SAMD10: variants seen among roughly 807,000 people sequenced by gnomAD.
The protein encoded by SAMD10 is sterile alpha motif domain-containing protein 10.
Under a neutral mutation model 22.5 loss-of-function variants are expected in SAMD10, and 16 were observed. That is an observed-to-expected ratio of 0.71 (90% CI 0.48 to 1.08). The LOEUF is 1.08. SAMD10 is among the 50% of genes least tolerant of loss of function. The pLI is 0.00. For synonymous variants in SAMD10, 118 were observed against 122.2 expected (o/e 0.97, Z 0.23); for missense variants, 227 against 281.3 (o/e 0.81, Z 1.38).
intron 3 of SAMD10, among the ~76,000 whole-genome samples, chr20:63,976,546 T>TC (rs1394539983): frequency 6.6e-6 from 1 of 151,846 alleles, no homozygotes; most frequent in African/African-American, 2.4e-5. Context: ...GCGGATCACC[T>TC]GAGATCAGGA....
chr20:63,976,139 C>T (rs2059020646), intron 3 of SAMD10, among the ~76,000 whole-genome samples: 1 of 152,150 alleles, frequency 6.6e-6, no homozygotes. Flanking sequence ...TGCCACTGCA[C>T]TCCAGACTGG....
chr20:63,978,551 T>C (rs1317465427), intron 1 of SAMD10, among the ~76,000 whole-genome samples: 1 of 152,150 alleles, frequency 6.6e-6, no homozygotes, highest in South Asian at 2.1e-4. Flanking sequence ...GGGATGTGTC[T>C]AGGAGGTCTA....
At position 63,975,485 on chromosome 20, in the gene SAMD10, G is replaced by A. The variant is rs1322882552; in HGVS notation, c.*25C>T. 8.7e-6 allele frequency: 14 copies of A among 1,611,264 alleles called. No individual in the cohort carries two copies. The highest frequency in any genetic ancestry group is 3.4e-5 in the Admixed American group (2 of 58,992). On this transcript the variant is annotated 3_prime_UTR_variant, in exon 5 of 5. Transcript: ENST00000369886. ...CGTGGACTCCCATCACAGTGCTGGG[G>A]TCTGGGTTCAAGCCTCAGCAGCAGC...
rs2059034757 is a variant in SAMD10 at position 63,977,673 on chromosome 20, C to T, written c.92-267G>A. On this transcript the variant is annotated intron_variant, in intron 1 of 4. Transcript: ENST00000369886. This position sits in a 1 kb window ranked among gnomAD's most constrained non-coding sequence, Gnocchi z 5.4. ...AGGGGAGCAGGATGGATTCTTAGATCAGAGGATGTGCCCTCTAGGGAAGGG... is the reference window on the plus strand; with the variant it reads ...AGGGGAGCAGGATGGATTCTTAGATTAGAGGATGTGCCCTCTAGGGAAGGG... Among the ~76,000 whole-genome samples the T allele has an allele frequency of 6.6e-6, 1 of 152,232 alleles. No homozygotes were observed. Among genetic ancestry groups the T allele is most frequent in the African/African-American group, 2.4e-5 (1 of 41,464 alleles).
At chr20:63,979,693 C>T, upstream of SAMD10, 2 of 985,218 alleles carry the variant, frequency 2.0e-6, no homozygotes, top group Non-Finnish European at 2.4e-6. The surrounding 1 kb of genome is among the most constrained non-coding windows in gnomAD (Gnocchi z 7.7). Flanking sequence ...CGCGGGCCTG[C>T]GTGCACCAAG....
At position 63,979,318 on chromosome 20, in the gene SAMD10, T is replaced by G; in HGVS notation, c.91+59A>C. 170 of 616,144 alleles carry G rather than the reference T, an allele frequency of 2.8e-4. No homozygotes were observed. Among genetic ancestry groups the G allele is most frequent in the Non-Finnish European group, 3.3e-4 (150 of 448,358 alleles). 38.2% of individuals were successfully genotyped at this position (616,144 alleles called of 1,614,324 possible). On this transcript the variant is annotated intron_variant, in intron 1 of 4. Transcript: ENST00000369886. This position sits in a 1 kb window ranked among gnomAD's most constrained non-coding sequence, Gnocchi z 7.7. The stretch of plus-strand genomic sequence containing the variant: ...CCGGGTCCCGCCCCGCCCCCGTGCC[T>G]CTGGGTCCCTGAGACCCCCGCCCGA...
rs1055124550 is a variant in SAMD10 at position 63,977,823 on chromosome 20, A to T, written c.92-417T>A. 6.6e-6 allele frequency among the ~76,000 whole-genome samples: 1 copy of T among 152,234 alleles called. No individual in the cohort carries two copies. The highest frequency in any genetic ancestry group is 2.4e-5 in the African/African-American group (1 of 41,456). The stretch of plus-strand genomic sequence containing the variant: ...GGAAGTGCACACACGGCCTGCTTTG[A>T]GGAAAGGCAGATCCCGAGTCCGGGG... On this transcript the variant is annotated intron_variant, in intron 1 of 4. Transcript: ENST00000369886. The surrounding 1 kb of genome is among the most constrained non-coding windows in gnomAD (Gnocchi z 5.4).
chr20:63,975,280 GT>G lies in SAMD10; in HGVS notation c.*229del. On this transcript the variant is annotated 3_prime_UTR_variant, in exon 5 of 5. Transcript: ENST00000369886. ...AGGGCTTGGGCTCAGGTCCCAGGAGGTGGGGCCACACTCAAGCAGCCCCCTA... is the reference window on the plus strand; with the variant it reads ...AGGGCTTGGGCTCAGGTCCCAGGAGGGGGGCCACACTCAAGCAGCCCCCTA... 1 of 553,590 alleles carries G rather than the reference GT, an allele frequency of 1.8e-6. No individual in the cohort carries two copies. The highest frequency in any genetic ancestry group is 3.1e-6 in the Non-Finnish European group (1 of 318,054). The allele number at this position is 553,590 out of a possible 1,614,324, so 34.3% of individuals were successfully genotyped here. A position where few individuals can be genotyped will look rare whatever the true frequency, so the allele number is the denominator to read the frequency against.
rs1165592422 is a variant in SAMD10 at position 63,979,585 on chromosome 20, G to T, written c.-118C>A. 1.9e-5 allele frequency: 19 copies of T among 983,926 alleles called. No homozygotes were observed. The highest frequency in any genetic ancestry group is 2.3e-5 in the Non-Finnish European group (19 of 829,902). The allele number at this position is 983,926 out of a possible 1,614,324, so 60.9% of individuals were successfully genotyped here. A position where few individuals can be genotyped will look rare whatever the true frequency, so the allele number is the denominator to read the frequency against. ...CCGCCCCAGCCGGCCCCGCGCCCGAGCCGGTCCCCGCGGCCCGCGAGTGTG... is the reference window on the plus strand; with the variant it reads ...CCGCCCCAGCCGGCCCCGCGCCCGATCCGGTCCCCGCGGCCCGCGAGTGTG... On this transcript the variant is annotated 5_prime_UTR_variant, in exon 1 of 5. Transcript: ENST00000369886. The surrounding 1 kb of genome is among the most constrained non-coding windows in gnomAD (Gnocchi z 7.7).
chr20:63,977,038 C>T lies in SAMD10; in HGVS notation c.378G>A (p.Trp126Ter). 2.5e-6 allele frequency: 4 copies of T among 1,614,148 alleles called. No homozygotes were observed. Among genetic ancestry groups the T allele is most frequent in the Non-Finnish European group, 3.4e-6 (4 of 1,180,038 alleles). The change falls in exon 3 of 5, where the codon TGG (tryptophan) becomes TGA (stop). Residue 126 changes from tryptophan to a stop codon, truncating the protein, a stop_gained. Transcript: ENST00000369886. LOFTEE classifies it high-confidence loss of function. The surrounding 1 kb of genome is among the most constrained non-coding windows in gnomAD (Gnocchi z 5.4). ...VLWSQQDVCK[W>*]LKKHCPHNYL... The stretch of plus-strand genomic sequence containing the variant: ...AGTTGTGGGGACAGTGCTTCTTGAG[C>T]CACTTGCAGACGTCCTGCTGACTCC...
intron 4 of SAMD10, 64 bp from the exon 5 acceptor site, chr20:63,975,596 A>C: frequency 1.3e-6 from 2 of 1,584,484 alleles, no homozygotes; most frequent in Non-Finnish European, 1.7e-6. Context: ...TAGGGCGCTT[A>C]CTGGGGCCTG....
rs1416959876 is a variant in SAMD10 at position 63,975,639 on chromosome 20, CT to C, written c.586+52del. 3 of 1,574,850 alleles carry C rather than the reference CT, an allele frequency of 1.9e-6. No individual in the cohort carries two copies. In the African/African-American group the frequency reaches 4.1e-5, roughly 22 times the overall value. The stretch of plus-strand genomic sequence containing the variant: ...CCTCCTGAGGTCATCCCACCCCACA[CT>C]CAGAGGGGCTTCTCCATCAGCCCCC... On this transcript the variant is annotated intron_variant, in intron 4 of 4. Transcript: ENST00000369886.
At position 63,979,537 on chromosome 20, in the gene SAMD10, G is replaced by A. The variant is rs1341339032; in HGVS notation, c.-70C>T. 3 of 1,037,528 alleles carry A rather than the reference G, an allele frequency of 2.9e-6. No homozygotes were observed. In the African/African-American group the frequency reaches 5.2e-5, roughly 18 times the overall value. The allele number at this position is 1,037,528 out of a possible 1,614,324, so 64.3% of individuals were successfully genotyped here. A position where few individuals can be genotyped will look rare whatever the true frequency, so the allele number is the denominator to read the frequency against. On this transcript the variant is annotated 5_prime_UTR_variant, in exon 1 of 5. Transcript: ENST00000369886. The surrounding 1 kb of genome is among the most constrained non-coding windows in gnomAD (Gnocchi z 7.7). Reference sequence around the variant, plus strand: ...GCAGGGCGGCCGGTGTGGCCGGCGGGGAACGCGCGCCGCCGCCCCGCCCCG... The same window carrying A: ...GCAGGGCGGCCGGTGTGGCCGGCGGAGAACGCGCGCCGCCGCCCCGCCCCG...
In SAMD10 at chr20:63,979,472, C is replaced by G; in HGVS notation, c.-5G>C. On this transcript the variant is annotated 5_prime_UTR_variant, in exon 1 of 5. Coordinates refer to ENST00000369886, the MANE Select transcript of SAMD10 (RefSeq NM_080621.5). This position sits in a 1 kb window ranked among gnomAD's most constrained non-coding sequence, Gnocchi z 7.7. ...GGACCTCAGCTCGGTGAACATGGGG[C>G]CCGCGGGTGCCAGGCCCGCGCACAC... The G allele has an allele frequency of 7.2e-7, 1 of 1,385,924 alleles. No individual in the cohort carries two copies. The highest frequency in any genetic ancestry group is 9.3e-7 in the Non-Finnish European group (1 of 1,074,176). The allele number at this position is 1,385,924 out of a possible 1,614,324, so 85.9% of individuals were successfully genotyped here. A position where few individuals can be genotyped will look rare whatever the true frequency, so the allele number is the denominator to read the frequency against.
In SAMD10 at chr20:63,977,965, T is replaced by C. The variant is rs1274801434; in HGVS notation, c.92-559A>G. ...GGCCCGACTCACTGACTATGACTCA[T>C]TGACAGCCTGAACTGTGGGCCAACT... On this transcript the variant is annotated intron_variant, in intron 1 of 4. Transcript: ENST00000369886. This position sits in a 1 kb window ranked among gnomAD's most constrained non-coding sequence, Gnocchi z 5.4. 6.6e-6 allele frequency among the ~76,000 whole-genome samples: 1 copy of C among 152,226 alleles called. No individual in the cohort carries two copies. The highest frequency in any genetic ancestry group is 1.5e-5 in the Non-Finnish European group (1 of 68,032).
chr20:63,976,947 A>T (rs1569206246), intron 3 of SAMD10, 24 bp downstream of exon 3: 1 of 1,612,962 alleles, frequency 6.2e-7, no homozygotes, highest in African/African-American at 1.3e-5. Context: ...CCCCACTCCC[A>T]CAGCACCCTC....
Position 63,977,226 on chromosome 20 carries a change from TG to T in SAMD10, c.271del (p.Gln91ArgfsTer21). On this transcript the variant is annotated frameshift_variant and splice_region_variant, in exon 2 of 5. Coordinates refer to ENST00000369886, the MANE Select transcript of SAMD10 (RefSeq NM_080621.5). LOFTEE classifies it high-confidence loss of function. The surrounding 1 kb of genome is among the most constrained non-coding windows in gnomAD (Gnocchi z 5.4). ...LLQQPGTDTP[Q>X]GRLYSDHYGL... ...GAGGTGGGTGGAGTGGGTGGGTACCTGGGGGGTGTCTGTGCCGGGCTGCTGC... is the reference window on the plus strand; with the variant it reads ...GAGGTGGGTGGAGTGGGTGGGTACCTGGGGGTGTCTGTGCCGGGCTGCTGC... 1 of 1,613,336 alleles carries T rather than the reference TG, an allele frequency of 6.2e-7. No individual in the cohort carries two copies. Among genetic ancestry groups the T allele is most frequent in the South Asian group, 1.1e-5 (1 of 91,026 alleles).
chr20:63,975,127 C>A lies in SAMD10; in HGVS notation c.*383G>T, dbSNP rs558113700. On this transcript the variant is annotated 3_prime_UTR_variant, in exon 5 of 5. Coordinates refer to ENST00000369886, the MANE Select transcript of SAMD10 (RefSeq NM_080621.5). The stretch of plus-strand genomic sequence containing the variant: ...GTGGACAGACAAGTGACTCAGCAGG[C>A]GATGGGGGACCGACATCACGTGGAG... 10 of 276,056 alleles carry A rather than the reference C, an allele frequency of 3.6e-5. No individual in the cohort carries two copies. The highest frequency in any genetic ancestry group is 5.6e-5 in the Non-Finnish European group (8 of 144,050). The allele number at this position is 276,056 out of a possible 1,614,324, so 17.1% of individuals were successfully genotyped here. A position where few individuals can be genotyped will look rare whatever the true frequency, so the allele number is the denominator to read the frequency against.
Position 63,975,722 on chromosome 20 carries a change from C to A in SAMD10, c.556G>T (p.Glu186Ter). ...QQVLRLQVRE[E>*]GRSLQLLSQA... ...CTGAGCAGCTGCAGGCTCCGCCCCTCCTCACGCACCTGCAGGCGGAGCACC... is the reference window on the plus strand; with the variant it reads ...CTGAGCAGCTGCAGGCTCCGCCCCTACTCACGCACCTGCAGGCGGAGCACC... The change falls in exon 4 of 5, where the codon GAG becomes TAG. Residue 186 changes from glutamate (E) to a stop codon, truncating the protein, a stop_gained. Transcript: ENST00000369886. LOFTEE classifies it high-confidence loss of function. The A allele has an allele frequency of 6.2e-7, 1 of 1,607,408 alleles. No individual in the cohort carries two copies. The highest frequency in any genetic ancestry group is 1.1e-5 in the South Asian group (1 of 90,838).
Sources: allele counts gnomAD v4.1 joint callset (sites outside exome capture counted in the v4.1 genomes callset), GRCh38; gene constraint gnomAD v4.1.1; non-coding constraint Gnocchi (gnomAD v3.1); transcripts MANE v1.5; gene names NCBI Gene and HGNC (gene_info 2026-07-23, HGNC 2026-07-21).